The following KLHL13 variants were observed in gnomAD, a reference collection of about 807,000 sequenced individuals.
KLHL13 encodes kelch like family member 13.
Under a neutral mutation model 37.1 loss-of-function variants are expected in KLHL13, and 10 were observed. That is an observed-to-expected ratio of 0.27 (90% CI 0.17 to 0.46). The LOEUF (loss-of-function observed/expected upper bound fraction) is 0.46. KLHL13 is among the 20% of genes least tolerant of loss of function. KLHL13 has a pLI of 1.00. For missense variants in KLHL13, 360 were observed against 509.3 expected, an observed-to-expected ratio of 0.71 and a Z score of 2.82; for synonymous variants, 163 against 181.2, an observed-to-expected ratio of 0.90 and a Z score of 0.81.
At chrX:117,932,030 A>G (rs1352403463) in intron 2 of KLHL13, among the ~76,000 whole-genome samples, 1 of 111,294 alleles carries the variant, frequency 9.0e-6, no homozygotes, top group Non-Finnish European at 1.9e-5. Context: ...TCTTATTAAA[A>G]TTTAATTTTT....
intron 1 of KLHL13, among the ~76,000 whole-genome samples, chrX:117,958,141 C>T (rs919208445): frequency 5.4e-5 from 6 of 111,025 alleles, no homozygotes; most frequent in Non-Finnish European, 9.5e-5. Flanking sequence ...CCATGATACA[C>T]AATAGCCCCC....
intron 1 of KLHL13, among the ~76,000 whole-genome samples, chrX:117,992,821 A>G (rs1045070237): frequency 1.8e-5 from 2 of 111,608 alleles, no homozygotes; most frequent in Non-Finnish European, 3.8e-5. Context: ...ATTTATTCTT[A>G]GGTGTGTTCA....
chrX:117,942,708 T>A (rs144286709), intron 2 of KLHL13, among the ~76,000 whole-genome samples: 10,211 of 111,121 alleles, frequency 0.092, 440 homozygotes, highest in African/African-American at 0.16. Flanking sequence ...CCCTTTATTT[T>A]GAGCCTATGT....
At chrX:118,016,537 G>A (rs2054130252) in intron 1 of KLHL13, among the ~76,000 whole-genome samples, 2 of 111,704 alleles carry the variant, frequency 1.8e-5, no homozygotes, top group African/African-American at 6.5e-5. Context: ...TTTACTGAAA[G>A]CTTACTATGT....
At chrX:118,063,677 T>C (rs1432107322) in intron 1 of KLHL13, among the ~76,000 whole-genome samples, 5 of 111,813 alleles carry the variant, frequency 4.5e-5, no homozygotes, top group Non-Finnish European at 7.6e-5. Flanking sequence ...TTTTGGTTGC[T>C]CCTTTTATGC....
intron 2 of KLHL13, among the ~76,000 whole-genome samples, chrX:117,931,065 G>C (rs1932426614): frequency 9.0e-6 from 1 of 111,456 alleles, no homozygotes; most frequent in African/African-American, 3.3e-5. Flanking sequence ...ATTAACCCAG[G>C]GAAAGGCAAC....
rs370946126 is a variant in KLHL13 at position 118,054,804 on chromosome X, T to C, written c.-56+61704A>G. Among the ~76,000 whole-genome samples, 164 of 111,534 alleles carry C rather than the reference T, an allele frequency of 1.5e-3. 2 individuals carry two copies. Among genetic ancestry groups the C allele is most frequent in the African/African-American group, 5.2e-3 (159 of 30,765 alleles). The stretch of plus-strand genomic sequence containing the variant: ...TCAATATTACATTAAAAAGACAAAG[T>C]ATTTCCCTCTAAATAGATGAAATAC... On this transcript the variant is annotated intron_variant, in intron 1 of 6. Coordinates refer to the KLHL13 transcript ENST00000371882.
At chrX:118,044,626 T>C (rs1313647293) in intron 1 of KLHL13, among the ~76,000 whole-genome samples, 2 of 111,470 alleles carry the variant, frequency 1.8e-5, no homozygotes, top group Non-Finnish European at 3.8e-5. Flanking sequence ...GCCAAGAATA[T>C]GCATTAGGGA....
rs754510561 is a variant in KLHL13, at chrX:117,963,825, T to C, written c.98+8906A>G. On this transcript the variant is annotated intron_variant, in intron 1 of 6. Transcript: ENST00000262820. ...GCATTTCTCTGATGGCCAGTGATGATGAGCATTACATATACACCATGGAAT... is the reference window on the plus strand; with the variant it reads ...GCATTTCTCTGATGGCCAGTGATGACGAGCATTACATATACACCATGGAAT... Among the ~76,000 whole-genome samples, 19 of 107,061 alleles carry C rather than the reference T, an allele frequency of 1.8e-4. No individual in the cohort carries two copies. The South Asian group carries it at 8.0e-3, about 45-fold the overall frequency. The allele number at this position is 107,061 out of a possible 115,157, so 93.0% of individuals were successfully genotyped here.
At chrX:118,107,375 C>A (rs372078427) in intron 1 of KLHL13, among the ~76,000 whole-genome samples, 2 of 111,571 alleles carry the variant, frequency 1.8e-5, no homozygotes, top group South Asian at 3.8e-4. Flanking sequence ...TCACCATTTA[C>A]GAGATGCACA....
chrX:118,095,033 C>T (rs1227566450), intron 1 of KLHL13, among the ~76,000 whole-genome samples: 7 of 111,347 alleles, frequency 6.3e-5, no homozygotes, highest in African/African-American at 2.3e-4. Flanking sequence ...CAAATTCACA[C>T]ATAACAATAT....
At chrX:118,058,133 T>A (rs1046694964) in intron 1 of KLHL13, among the ~76,000 whole-genome samples, 2 of 111,677 alleles carry the variant, frequency 1.8e-5, no homozygotes, top group Non-Finnish European at 3.8e-5. Context: ...CTCCATTACA[T>A]AGTGTTACCA....
chrX:117,930,141 A>C (rs1404961001), intron 2 of KLHL13, among the ~76,000 whole-genome samples: 2 of 108,065 alleles, frequency 1.9e-5, no homozygotes, highest in Non-Finnish European at 3.8e-5. Context: ...TGGAAAGAAA[A>C]AAGAAAAGAG....
intron 1 of KLHL13, among the ~76,000 whole-genome samples, chrX:117,999,862 T>C (rs1370952418): frequency 9.0e-6 from 1 of 111,690 alleles, no homozygotes; most frequent in East Asian, 2.8e-4. Context: ...AGCCAAATTA[T>C]AGCCCAGTTA....
chrX:118,088,165 G>A (rs1427108662), intron 1 of KLHL13, among the ~76,000 whole-genome samples: 1 of 111,681 alleles, frequency 9.0e-6, no homozygotes, highest in Admixed American at 9.5e-5. Context: ...AGCTACTGAA[G>A]TACCTAGGAA....
intron 1 of KLHL13, among the ~76,000 whole-genome samples, chrX:117,971,491 C>A (rs1399498544): frequency 1.0e-5 from 1 of 99,682 alleles, no homozygotes; most frequent in Non-Finnish European, 1.9e-5. Context: ...TTTTTACAAA[C>A]TAGCCTATTT....
chrX:117,991,333 T>C (rs1437857461), intron 1 of KLHL13, among the ~76,000 whole-genome samples: 1 of 109,464 alleles, frequency 9.1e-6, no homozygotes, highest in Non-Finnish European at 1.9e-5. Context: ...AGGAGAGAGA[T>C]ACTAACAATT....
intron 1 of KLHL13, among the ~76,000 whole-genome samples, chrX:118,052,967 G>T (rs2054633599): frequency 8.9e-6 from 1 of 111,892 alleles, no homozygotes; most frequent in Admixed American, 9.5e-5. Context: ...GTTACAAAAA[G>T]TTGCAATTGT....
At chrX:118,071,688 GACAA>G (rs1471690112) in intron 1 of KLHL13, among the ~76,000 whole-genome samples, 34 of 109,165 alleles carry the variant, frequency 3.1e-4, no homozygotes, top group African/African-American at 1.1e-3. Context: ...ACCAACAACA[GACAA>G]ACAAAGAGCC....
Sources: gnomAD v4.1 joint callset for allele counts (sites outside exome capture counted in the v4.1 genomes callset) on GRCh38, gnomAD v4.1.1 for gene constraint, MANE v1.5 for transcripts, NCBI Gene and HGNC (gene_info 2026-07-23, HGNC 2026-07-21) for gene names.